PFKM: variants seen among roughly 807,000 people sequenced by gnomAD.
PFKM encodes ATP-dependent 6-phosphofructokinase, muscle type.
A neutral mutation model predicts 95.5 loss-of-function variants in PFKM; 58 were observed. The ratio of observed to expected loss-of-function variants is 0.61; its 90% CI spans 0.49 to 0.76. PFKM has a LOEUF of 0.76. PFKM is among the 30% of genes least tolerant of loss of function. The pLI, the probability that PFKM is intolerant of heterozygous loss-of-function variation, is 0.00. For synonymous variants in PFKM, 336 were observed against 357.2 expected (o/e 0.94, Z 0.67); for missense variants, 678 against 1,005.4 (o/e 0.67, Z 4.40).
At chr12:48,142,255 T>G in intron 17 of PFKM, 189 bp downstream of exon 17, 1 of 661,522 alleles carries the variant, frequency 1.5e-6, no homozygotes, top group Non-Finnish European at 2.7e-6. Context: ...GGCAGATCAC[T>G]TGGGGTCAGG....
intron 2 of PFKM, chr12:48,107,967 G>C: frequency 8.9e-7 from 1 of 1,128,312 alleles, no homozygotes; most frequent in Non-Finnish European, 1.2e-6. Flanking sequence ...TTTTTGGAAA[G>C]AAAGCCCTGG....
chr12:48,108,348 G>A (rs944702115), intron 3 of PFKM, among the ~76,000 whole-genome samples: 1 of 151,914 alleles, frequency 6.6e-6, no homozygotes, highest in Non-Finnish European at 1.5e-5. Context: ...GAGAGAGAGA[G>A]AAAGAGAGAG....
chr12:48,133,433 G>A lies in PFKM; in HGVS notation c.546G>A (p.Leu182=), dbSNP rs779095033. Residue 182 remains leucine, a synonymous_variant, in exon 6 of 23, where the codon CTG becomes CTA. Coordinates refer to ENST00000359794, the MANE Select transcript of PFKM (RefSeq NM_000289.6). ...TDMTIGTDSA[L]HRIMEIVDAI... Reference sequence around the variant, plus strand: ...TGACCATTGGCACTGACTCTGCCCTGCATCGGATCATGGAAATTGTAGATG... The same window carrying A: ...TGACCATTGGCACTGACTCTGCCCTACATCGGATCATGGAAATTGTAGATG... 2 of 1,614,016 alleles carry A rather than the reference G, an allele frequency of 1.2e-6. No individual in the cohort carries two copies. Among genetic ancestry groups the A allele is most frequent in the Non-Finnish European group, 1.7e-6 (2 of 1,179,998 alleles).
At chr12:48,134,307 G>A (rs200940167) in intron 7 of PFKM, 31 bp downstream of exon 7, 144 of 1,594,208 alleles carry the variant, frequency 9.0e-5, no homozygotes, top group Non-Finnish European at 1.1e-4. Context: ...CATTTATTCC[G>A]TGGACCTAGC....
intron 2 of PFKM, among the ~76,000 whole-genome samples, chr12:48,128,793 A>T (rs1949115035): frequency 6.6e-6 from 1 of 152,172 alleles, no homozygotes; most frequent in South Asian, 2.1e-4. Context: ...AGGCAGGGTT[A>T]AGGACAACAT....
At chr12:48,107,956 A>AT in intron 2 of PFKM, 1 of 1,012,320 alleles carries the variant, frequency 9.9e-7, no homozygotes, top group Non-Finnish European at 1.4e-6. Context: ...TTTTCACTGG[A>AT]TTTTTGGAAA....
At chr12:48,135,480 C>G (rs1264733125) in intron 10 of PFKM, 97 bp downstream of exon 10, 1 of 835,510 alleles carries the variant, frequency 1.2e-6, no homozygotes, top group Non-Finnish European at 2.0e-6. Context: ...GGACTTACAT[C>G]ACTGGTCGCA....
At chr12:48,120,121 T>C (rs921091855) in intron 1 of PFKM, among the ~76,000 whole-genome samples, 6 of 152,180 alleles carry the variant, frequency 3.9e-5, no homozygotes, top group African/African-American at 1.2e-4. Flanking sequence ...TGCCTTCCTA[T>C]TTGCCCTAGT....
chr12:48,123,341 C>T (rs1269377123), intron 2 of PFKM, among the ~76,000 whole-genome samples: 2 of 152,122 alleles, frequency 1.3e-5, no homozygotes, highest in Non-Finnish European at 2.9e-5. Flanking sequence ...GGCCTTTCCT[C>T]CTCTTCCCTT....
chr12:48,143,994 G>A, intron 19 of PFKM, 52 bp from the exon 20 acceptor site: 1 of 1,309,106 alleles, frequency 7.6e-7, no homozygotes, highest in Non-Finnish European at 1.1e-6. Flanking sequence ...GGCAGAAATG[G>A]GGGATGGGAA....
At chr12:48,132,767 G>A in intron 4 of PFKM, 101 bp from the exon 5 acceptor site, 1 of 1,004,992 alleles carries the variant, frequency 1.0e-6, no homozygotes. Flanking sequence ...AACTTTCTAG[G>A]GAGTCACACA....
At position 48,145,189 on chromosome 12, in the gene PFKM, A is replaced by G. The variant is rs755931982; in HGVS notation, c.2093-21A>G. On this transcript the variant is annotated intron_variant, in intron 21 of 22. Coordinates refer to ENST00000359794, the MANE Select transcript of PFKM (RefSeq NM_000289.6). This position sits in a 1 kb window ranked among gnomAD's most constrained non-coding sequence, Gnocchi z 4.3. ...GGCTGGTTCCCCAGTATAGAAGCTG[A>G]CTGCCCATCCCTCATTGCAGGGCGG... 1 of 1,613,052 alleles carries G rather than the reference A, an allele frequency of 6.2e-7. No individual in the cohort carries two copies.
chr12:48,130,361 A>G lies in PFKM; in HGVS notation c.86-2A>G. The G allele has an allele frequency of 6.2e-7, 1 of 1,612,600 alleles. No individual in the cohort carries two copies. Among genetic ancestry groups the G allele is most frequent in the Non-Finnish European group, 8.5e-7 (1 of 1,178,618 alleles). On this transcript the variant is annotated splice_acceptor_variant, in intron 2 of 22. Transcript: ENST00000359794. LOFTEE classifies it high-confidence loss of function. ...CGTGACTTCTTTTGTCCCTCCTTTC[A>G]GGTATGAATGCTGCTGTCAGGGCTG...
chr12:48,116,696 C>G (rs1055170738), upstream of PFKM, among the ~76,000 whole-genome samples: 1 of 152,180 alleles, frequency 6.6e-6, no homozygotes, highest in African/African-American at 2.4e-5. Flanking sequence ...CCAGTCTGGT[C>G]TTAAATTCCG....
At chr12:48,117,295 T>A (rs747056017), upstream of PFKM, among the ~76,000 whole-genome samples, 2 of 152,264 alleles carry the variant, frequency 1.3e-5, no homozygotes, top group Non-Finnish European at 2.9e-5. Context: ...TTATAAACAT[T>A]CATGTGCAGG....
intron 13 of PFKM, among the ~76,000 whole-genome samples, chr12:48,140,280 A>G (rs1445442687): frequency 2.0e-5 from 3 of 152,192 alleles, no homozygotes; most frequent in Non-Finnish European, 4.4e-5. Context: ...CTCAATATTA[A>G]GTATATATCA....
chr12:48,119,139 C>A (rs1947927019), upstream of PFKM: 1 of 192,166 alleles, frequency 5.2e-6, no homozygotes, highest in Non-Finnish European at 9.6e-6. Flanking sequence ...GATATGAGGA[C>A]CCCAGGACTC....
At chr12:48,143,695 T>C (rs1461531458) in intron 18 of PFKM, 58 bp from the exon 19 acceptor site, 9 of 1,263,812 alleles carry the variant, frequency 7.1e-6, no homozygotes, top group Non-Finnish European at 1.0e-5. Context: ...TGGAAGATGA[T>C]TTATACCCAA....
Position 48,140,914 on chromosome 12 carries a change from A to G in PFKM, c.1341+43A>G, listed in dbSNP as rs182626922. 1.2e-4 allele frequency: 191 copies of G among 1,607,122 alleles called. 1 individual carries two copies. The African/African-American group carries it at 1.5e-3, about 12-fold the overall frequency. On this transcript the variant is annotated intron_variant, in intron 14 of 22. Transcript: ENST00000359794. ...GGACCTAGGAGCAGTCATGGGGAAGATAAGTGTAGCAAGAATGACCTGTCC... is the reference window on the plus strand; with the variant it reads ...GGACCTAGGAGCAGTCATGGGGAAGGTAAGTGTAGCAAGAATGACCTGTCC...
Sources: allele counts gnomAD v4.1 joint callset (sites outside exome capture counted in the v4.1 genomes callset), GRCh38; gene constraint gnomAD v4.1.1; non-coding constraint Gnocchi (gnomAD v3.1); transcripts MANE v1.5; gene names NCBI Gene and HGNC (gene_info 2026-07-23, HGNC 2026-07-21).